Variants in TENM4 observed in about 807,000 individuals in gnomAD.
TENM4 encodes the protein teneurin transmembrane protein 4, also known as teneurin-4.
In TENM4, 82 loss-of-function variants were observed where a neutral mutation model predicts 243.3. The observed-to-expected ratio is 0.34, with a 90% confidence interval of 0.28 to 0.40. The LOEUF (loss-of-function observed/expected upper bound fraction) is 0.40. Among genes scored for constraint, TENM4 ranks in the 10% least tolerant of loss-of-function variants. The probability of loss-of-function intolerance (pLI) is 1.00; values close to 1 mark genes in which losing one functional copy is unlikely to be tolerated. For synonymous variants in TENM4, 1,412 were observed against 1,456.3 expected, an observed-to-expected ratio of 0.97 and a Z score of 0.69; for missense variants, 3,138 against 3,673.3, an observed-to-expected ratio of 0.85 and a Z score of 3.77.
intron 4 of TENM4, among the ~76,000 whole-genome samples, chr11:79,094,579 G>C (rs562895644): frequency 7.9e-5 from 12 of 152,172 alleles, no homozygotes; most frequent in Non-Finnish European, 1.6e-4. Flanking sequence ...GTAGGCATTG[G>C]GGGGTGGGGG....
At position 79,064,982 on chromosome 11, in the gene TENM4, C is replaced by T. The variant is rs1860206235; in HGVS notation, c.249G>A (p.Leu83=). 6.8e-7 allele frequency: 1 copy of T among 1,462,794 alleles called. No individual in the cohort carries two copies. Among genetic ancestry groups the T allele is most frequent in the South Asian group, 1.4e-5 (1 of 69,534 alleles). The allele number at this position is 1,462,794 out of a possible 1,614,324, so 90.6% of individuals were successfully genotyped here. The change falls in exon 6 of 34, where the codon CTG becomes CTA. Residue 83 remains leucine (L), a synonymous_variant. Coordinates refer to ENST00000278550, the MANE Select transcript of TENM4 (RefSeq NM_001098816.3). ...RTGANFTLRE[L]GLEEVTPPHG... is the part of the protein sequence containing the mutation. ...GAGGGGGCGTTACTTCTTCCAGCCC[C>T]AGCTCCCGCAGGGTGAAGTTGGCAC...
chr11:79,432,398 T>C (rs1859188392), intron 1 of TENM4, among the ~76,000 whole-genome samples: 1 of 152,248 alleles, frequency 6.6e-6, no homozygotes, highest in Non-Finnish European at 1.5e-5. Flanking sequence ...ATAAAACGTT[T>C]AAATGATCAG....
chr11:79,231,121 A>G (rs1327559909), intron 2 of TENM4, among the ~76,000 whole-genome samples: 2 of 152,264 alleles, frequency 1.3e-5, no homozygotes, highest in Admixed American at 1.3e-4. Flanking sequence ...GAAAGAAAAT[A>G]AAGTAAAAGG....
At chr11:79,009,803 A>AT (rs1273330589) in intron 6 of TENM4, among the ~76,000 whole-genome samples, 3 of 152,076 alleles carry the variant, frequency 2.0e-5, no homozygotes, top group Non-Finnish European at 4.4e-5. Context: ...GAACACTTCA[A>AT]TTTCTTTATA....
At chr11:79,395,916 G>A (rs1858334431) in intron 1 of TENM4, among the ~76,000 whole-genome samples, 1 of 152,156 alleles carries the variant, frequency 6.6e-6, no homozygotes, top group Non-Finnish European at 1.5e-5. Context: ...GAGCTAGTTG[G>A]AGCTCCTTGG....
Position 78,727,902 on chromosome 11 carries a change from T to C in TENM4, c.3406+1474A>G, listed in dbSNP as rs117183596. Among the ~76,000 whole-genome samples the C allele has an allele frequency of 2.1e-4, 32 of 152,358 alleles. No homozygotes were observed. In the East Asian group the frequency reaches 5.6e-3, roughly 27 times the overall value. ...AACTGAGCAGCTCCTTAAAGTTTCT[T>C]GTAGATGCCATAAAAGACTGCCGAC... is the stretch of plus-strand genomic sequence containing the variant. On this transcript the variant is annotated intron_variant, in intron 22 of 33. Coordinates refer to ENST00000278550, the MANE Select transcript of TENM4 (RefSeq NM_001098816.3).
chr11:78,802,212 G>A (rs950423204), intron 15 of TENM4, among the ~76,000 whole-genome samples: 3 of 152,230 alleles, frequency 2.0e-5, no homozygotes, highest in Admixed American at 2.0e-4. Flanking sequence ...CAATGAAAGT[G>A]CCCTTGGAAG....
intron 2 of TENM4, among the ~76,000 whole-genome samples, chr11:79,218,898 T>TTCAC (rs1184480629): frequency 6.6e-6 from 1 of 152,244 alleles, no homozygotes; most frequent in Non-Finnish European, 1.5e-5. Flanking sequence ...CATTCACATA[T>TTCAC]TCACTCATTC....
chr11:79,336,800 G>C (rs1857155508), intron 1 of TENM4, among the ~76,000 whole-genome samples: 1 of 152,212 alleles, frequency 6.6e-6, no homozygotes, highest in Admixed American at 6.5e-5. Context: ...CATCCTGCTA[G>C]CTGTCTGTCA....
intron 3 of TENM4, among the ~76,000 whole-genome samples, chr11:79,168,657 C>T (rs1862972485): frequency 6.6e-6 from 1 of 152,142 alleles, no homozygotes; most frequent in Non-Finnish European, 1.5e-5. Context: ...AGATTCACCG[C>T]AAAATGAACA....
chr11:79,365,311 G>A (rs1857657864), intron 1 of TENM4, among the ~76,000 whole-genome samples: 1 of 152,104 alleles, frequency 6.6e-6, no homozygotes, highest in Non-Finnish European at 1.5e-5. Context: ...CAGCCCATGG[G>A]CCCTTCCTCC....
At chr11:78,889,754 G>A in intron 9 of TENM4, 31 bp downstream of exon 9, 1 of 1,547,552 alleles carries the variant, frequency 6.5e-7, no homozygotes, top group South Asian at 1.2e-5. Context: ...CCAAAGAGGA[G>A]CAAGGGGAGC....
intron 6 of TENM4, among the ~76,000 whole-genome samples, chr11:78,918,066 G>A (rs1307733770): frequency 1.3e-5 from 2 of 152,168 alleles, no homozygotes; most frequent in South Asian, 2.1e-4. Flanking sequence ...GCAACTAAGT[G>A]CCAAGAAATC....
intron 2 of TENM4, among the ~76,000 whole-genome samples, chr11:79,238,428 T>C (rs1198745697): frequency 6.6e-6 from 1 of 151,806 alleles, no homozygotes; most frequent in Non-Finnish European, 1.5e-5. Flanking sequence ...AGAGGGAGGG[T>C]GAATTTGCTC....
intron 2 of TENM4, among the ~76,000 whole-genome samples, chr11:79,291,600 A>G (rs1291407793): frequency 1.3e-5 from 2 of 152,142 alleles, no homozygotes; most frequent in East Asian, 3.9e-4. Context: ...TTAACCTCTC[A>G]GGGCTCTGCA....
Position 79,440,493 on chromosome 11 carries a change from G to A in TENM4, c.-321+16C>T, listed in dbSNP as rs1859381345. The A allele has an allele frequency of 6.6e-6, 1 of 152,232 alleles. No homozygotes were observed. The highest frequency in any genetic ancestry group is 2.4e-5 in the African/African-American group (1 of 41,460). 9.4% of individuals were successfully genotyped at this position (152,232 alleles called of 1,614,324 possible). On this transcript the variant is annotated intron_variant, in intron 1 of 33. Coordinates refer to ENST00000278550, the MANE Select transcript of TENM4 (RefSeq NM_001098816.3). This position sits in a 1 kb window ranked among gnomAD's most constrained non-coding sequence, Gnocchi z 4.7. ...CCCCAAGGCGCTTTTCCGTAGAGCG[G>A]ATCACGCCGCCTTACCGTGGCTGCA...
At chr11:79,380,392 A>G (rs762329969) in intron 1 of TENM4, among the ~76,000 whole-genome samples, 29 of 152,034 alleles carry the variant, frequency 1.9e-4, no homozygotes, top group African/African-American at 6.0e-4. Flanking sequence ...CGGGAATCCA[A>G]TGCTATTTCA....
chr11:79,202,842 C>T (rs1398150108), intron 3 of TENM4, among the ~76,000 whole-genome samples: 1 of 152,198 alleles, frequency 6.6e-6, no homozygotes, highest in South Asian at 2.1e-4. Flanking sequence ...AGACCATGGA[C>T]TAGAGGAGGC....
At chr11:79,037,015 C>CAAAAAAAAAAAAAAAAAAAAAAA (rs369421583) in intron 6 of TENM4, among the ~76,000 whole-genome samples, 1 of 91,084 alleles carries the variant, frequency 1.1e-5, no homozygotes, top group African/African-American at 3.7e-5. Context: ...GACTCCATCT[C>CAAAAAAAAAAAAAAAAAAAAAAA]AAAAAAAAAA....
Sources: allele counts gnomAD v4.1 joint callset (sites outside exome capture counted in the v4.1 genomes callset), GRCh38; gene constraint gnomAD v4.1.1; non-coding constraint Gnocchi (gnomAD v3.1); transcripts MANE v1.5; gene names NCBI Gene and HGNC (gene_info 2026-07-23, HGNC 2026-07-21).